The following LCLAT1 variants were observed in gnomAD, a reference collection of about 807,000 sequenced individuals.
LCLAT1 encodes lysocardiolipin acyltransferase 1.
Under a neutral mutation model 30.7 loss-of-function variants are expected in LCLAT1, and 11 were observed. That is an observed-to-expected ratio of 0.36 (90% confidence interval 0.23 to 0.59). The LOEUF is 0.59. LCLAT1 is among the 20% of genes least tolerant of loss of function. LCLAT1 has a pLI of 0.77. For synonymous variants in LCLAT1, 155 were observed against 151.3 expected (o/e 1.02, Z -0.18); for missense variants, 402 against 458.6 (o/e 0.88, Z 1.13).
chr2:30,592,131 A>G (rs1056242241), intron 5 of LCLAT1, among the ~76,000 whole-genome samples: 1 of 152,218 alleles, frequency 6.6e-6, no homozygotes, highest in Non-Finnish European at 1.5e-5. Flanking sequence ...GCCCTCTTCA[A>G]TCTGTTTCCC....
At chr2:30,579,931 A>G (rs1666141602) in intron 5 of LCLAT1, among the ~76,000 whole-genome samples, 1 of 152,198 alleles carries the variant, frequency 6.6e-6, no homozygotes, top group South Asian at 2.1e-4. Flanking sequence ...ATAAGGCTTT[A>G]GCATCATCAT....
chr2:30,562,284 A>T lies in LCLAT1; in HGVS notation c.503A>T (p.Asp168Val). ...LQLLIFPEGT[D>V]LTENSKSRSN... is the part of the protein sequence containing the mutation. ...CTCCTCATATTCCCAGAAGGGACTGATCTCACAGGTAATGTAGCCTGGGTT... is the reference window on the plus strand; with the variant it reads ...CTCCTCATATTCCCAGAAGGGACTGTTCTCACAGGTAATGTAGCCTGGGTT... Residue 168 changes from aspartate to valine, a missense_variant, in exon 4 of 6, where the codon GAT becomes GTT. Transcript: ENST00000379509. 6.2e-7 allele frequency: 1 copy of T among 1,607,720 alleles called. No homozygotes were observed. The highest frequency in any genetic ancestry group is 8.5e-7 in the Non-Finnish European group (1 of 1,175,716).
intron 5 of LCLAT1, among the ~76,000 whole-genome samples, chr2:30,628,018 CAA>C (rs1668595962): frequency 6.6e-6 from 1 of 151,912 alleles, no homozygotes; most frequent in Non-Finnish European, 1.5e-5. Context: ...TCTATAAGGT[CAA>C]AAAGTCTAGT....
At chr2:30,529,791 G>A (rs968323204) in intron 2 of LCLAT1, among the ~76,000 whole-genome samples, 4 of 152,202 alleles carry the variant, frequency 2.6e-5, no homozygotes, top group African/African-American at 9.7e-5. Context: ...CAAAGTGGGT[G>A]CTCAGTGTTT....
intron 3 of LCLAT1, among the ~76,000 whole-genome samples, chr2:30,535,158 C>T (rs566245108): frequency 6.6e-6 from 1 of 151,786 alleles, no homozygotes; most frequent in Admixed American, 6.6e-5. Context: ...TTTTCTTCAC[C>T]CTAATTTAAA....
At chr2:30,458,491 C>A (rs17394450) in intron 1 of LCLAT1, among the ~76,000 whole-genome samples, 37,988 of 151,988 alleles carry the variant, frequency 0.25, 5,318 homozygotes, top group Non-Finnish European at 0.32. Flanking sequence ...TTGGGAGTTT[C>A]AAGAGCAATT....
chr2:30,457,259 T>A (rs1681880476), intron 1 of LCLAT1, among the ~76,000 whole-genome samples: 1 of 152,146 alleles, frequency 6.6e-6, no homozygotes, highest in Admixed American at 6.5e-5. Flanking sequence ...TTGTCAGAGA[T>A]CTTGGAGCTG....
At chr2:30,562,966 T>G (rs1376192414) in intron 4 of LCLAT1, among the ~76,000 whole-genome samples, 2 of 152,222 alleles carry the variant, frequency 1.3e-5, no homozygotes, top group Admixed American at 6.5e-5. Context: ...AGCTTTGCCC[T>G]TCTTCAAGAA....
At chr2:30,620,857 T>C (rs1360741810) in intron 5 of LCLAT1, among the ~76,000 whole-genome samples, 1 of 151,980 alleles carries the variant, frequency 6.6e-6, no homozygotes, top group East Asian at 1.9e-4. Flanking sequence ...CTCCCATGGC[T>C]CTAGGGGAGA....
chr2:30,512,362 G>A (rs1009629080), intron 1 of LCLAT1, among the ~76,000 whole-genome samples: 2 of 152,100 alleles, frequency 1.3e-5, no homozygotes, highest in Non-Finnish European at 2.9e-5. Flanking sequence ...TCTGCTGGAT[G>A]TCTTCTCTTT....
intron 5 of LCLAT1, 80 bp downstream of exon 5, chr2:30,568,256 G>A: frequency 1.6e-6 from 1 of 620,900 alleles, no homozygotes; most frequent in Non-Finnish European, 2.8e-6. Context: ...TTTAGAGTTT[G>A]TAAAGGATTT....
At position 30,599,075 on chromosome 2, in the gene LCLAT1, C is replaced by T. The variant is rs144167609; in HGVS notation, c.628+30899C>T. ...TCGGCTCACTGCAACCTCCGCCTCC[C>T]GGTTCAAGTTATTCTCCTGCCTCAG... On this transcript the variant is annotated intron_variant, in intron 5 of 5. Coordinates refer to ENST00000379509, the MANE Select transcript of LCLAT1 (RefSeq NM_001002257.3). Among the ~76,000 whole-genome samples, 1,140 of 151,858 alleles carry T rather than the reference C, an allele frequency of 7.5e-3. 13 individuals carry two copies. The highest frequency in any genetic ancestry group is 0.025 in the African/African-American group (1,036 of 41,432).
At chr2:30,547,075 A>G (rs779379850) in intron 3 of LCLAT1, among the ~76,000 whole-genome samples, 29 of 152,270 alleles carry the variant, frequency 1.9e-4, no homozygotes, top group Admixed American at 6.5e-4. Context: ...AATCATAGGC[A>G]TTAGTTTTGC....
chr2:30,512,731 G>A (rs909464454), intron 1 of LCLAT1, among the ~76,000 whole-genome samples: 3 of 152,128 alleles, frequency 2.0e-5, no homozygotes, highest in African/African-American at 7.2e-5. Flanking sequence ...TGAATGTCAA[G>A]GATACCCAGT....
chr2:30,604,721 A>G (rs1667352935), intron 5 of LCLAT1, among the ~76,000 whole-genome samples: 1 of 151,722 alleles, frequency 6.6e-6, no homozygotes, highest in Non-Finnish European at 1.5e-5. Flanking sequence ...GTACAAACAC[A>G]GGTGGAATGG....
At chr2:30,501,964 A>G (rs1196591734) in intron 1 of LCLAT1, among the ~76,000 whole-genome samples, 1 of 152,246 alleles carries the variant, frequency 6.6e-6, no homozygotes, top group Admixed American at 6.5e-5. Context: ...ACTTTTGTCC[A>G]GTTCTTTAAC....
chr2:30,537,346 A>G (rs1296481463), intron 3 of LCLAT1, among the ~76,000 whole-genome samples: 1 of 151,564 alleles, frequency 6.6e-6, no homozygotes, highest in Non-Finnish European at 1.5e-5. Flanking sequence ...GCGCCACTGC[A>G]GTCCGCAGTC....
chr2:30,518,690 A>G (rs887622105), intron 1 of LCLAT1, among the ~76,000 whole-genome samples: 3 of 152,052 alleles, frequency 2.0e-5, no homozygotes, highest in East Asian at 1.9e-4. Flanking sequence ...CTTATACTCT[A>G]CTTTCCCAAA....
chr2:30,562,788 C>T (rs1408218364), intron 4 of LCLAT1, among the ~76,000 whole-genome samples: 4 of 152,246 alleles, frequency 2.6e-5, no homozygotes, highest in African/African-American at 7.2e-5. Flanking sequence ...TTTATATTCT[C>T]TTATCCTCTT....
Sources: gnomAD v4.1 joint callset for allele counts (sites outside exome capture counted in the v4.1 genomes callset) on GRCh38, gnomAD v4.1.1 for gene constraint, MANE v1.5 for transcripts, NCBI Gene and HGNC (gene_info 2026-07-23, HGNC 2026-07-21) for gene names.